Variants in HSD11B1 observed in about 807,000 individuals in gnomAD.
HSD11B1 encodes 11-beta-hydroxysteroid dehydrogenase 1.
In HSD11B1, 15 loss-of-function variants were observed where a neutral mutation model predicts 22.1. The ratio of observed to expected loss-of-function variants is 0.68; its 90% CI spans 0.45 to 1.04. The LOEUF (loss-of-function observed/expected upper bound fraction) is 1.04. HSD11B1 is among the 50% of genes least tolerant of loss of function. The pLI, the probability that HSD11B1 is intolerant of heterozygous loss-of-function variation, is 0.00. For missense variants in HSD11B1, 281 were observed against 357.6 expected (o/e 0.79, Z 1.73); for synonymous variants, 122 against 125.2 (o/e 0.97, Z 0.17).
At chr1:209,689,553 G>A (rs936522271) in intron 1 of HSD11B1, among the ~76,000 whole-genome samples, 4 of 152,190 alleles carry the variant, frequency 2.6e-5, no homozygotes, top group Admixed American at 2.0e-4. Context: ...TTTGAGTCGT[G>A]GGGGTGAATC....
intron 4 of HSD11B1, among the ~76,000 whole-genome samples, chr1:209,730,767 T>C (rs1391303838): frequency 6.6e-6 from 1 of 152,216 alleles, no homozygotes; most frequent in African/African-American, 2.4e-5. Context: ...TGGTTTGACA[T>C]ACAACATATT....
At chr1:209,691,479 T>A (rs1403061322) in intron 1 of HSD11B1, among the ~76,000 whole-genome samples, 1 of 152,172 alleles carries the variant, frequency 6.6e-6, no homozygotes, top group Non-Finnish European at 1.5e-5. Flanking sequence ...ACTAAAGTCT[T>A]CAGTAAAATG....
intron 4 of HSD11B1, among the ~76,000 whole-genome samples, chr1:209,708,953 C>T (rs999124600): frequency 2.0e-4 from 30 of 152,126 alleles, no homozygotes; most frequent in African/African-American, 6.0e-4. Flanking sequence ...GCTTTTTTGC[C>T]TTGAAACCTG....
chr1:209,720,956 T>TAATGTGGG (rs954770993), intron 4 of HSD11B1, among the ~76,000 whole-genome samples: 3 of 152,188 alleles, frequency 2.0e-5, no homozygotes, highest in African/African-American at 7.2e-5. Context: ...CCAAGTGGGC[T>TAATGTGGG]CTTAATCCAC....
At chr1:209,712,625 G>C (rs2076905065) in intron 4 of HSD11B1, among the ~76,000 whole-genome samples, 1 of 152,170 alleles carries the variant, frequency 6.6e-6, no homozygotes, top group Non-Finnish European at 1.5e-5. Flanking sequence ...AGAGATGACT[G>C]TACTCAGAGT....
At chr1:209,732,279 A>G (rs2077040324) in intron 4 of HSD11B1, among the ~76,000 whole-genome samples, 157 bp from the exon 5 acceptor site, 2 of 152,164 alleles carry the variant, frequency 1.3e-5, no homozygotes, top group African/African-American at 4.8e-5. Context: ...TAATGTTTTC[A>G]AAATTCAACA....
chr1:209,701,622 G>C (rs1011641630), upstream of HSD11B1, among the ~76,000 whole-genome samples: 4 of 152,172 alleles, frequency 2.6e-5, no homozygotes, highest in Admixed American at 2.0e-4. Flanking sequence ...TCTGAGGTTT[G>C]CCCAACAAGA....
chr1:209,729,434 A>G (rs2077022522), intron 4 of HSD11B1, among the ~76,000 whole-genome samples: 1 of 151,998 alleles, frequency 6.6e-6, no homozygotes, highest in Non-Finnish European at 1.5e-5. Flanking sequence ...GGTAGGCAGT[A>G]TAGGGCCAGT....
chr1:209,729,799 T>C (rs191144357), intron 4 of HSD11B1, among the ~76,000 whole-genome samples: 2 of 152,218 alleles, frequency 1.3e-5, no homozygotes, highest in Non-Finnish European at 2.9e-5. Context: ...GTAGGATTCA[T>C]CTTCAAGATG....
chr1:209,720,107 G>A (rs1383093930), intron 4 of HSD11B1, among the ~76,000 whole-genome samples: 1 of 152,006 alleles, frequency 6.6e-6, no homozygotes, highest in African/African-American at 2.4e-5. Context: ...TTTAAAAAAT[G>A]GTTAAGATAG....
chr1:209,722,149 A>C (rs1038922076), intron 4 of HSD11B1, among the ~76,000 whole-genome samples: 1 of 152,104 alleles, frequency 6.6e-6, no homozygotes, highest in Admixed American at 6.5e-5. Flanking sequence ...CTTGCCTTAG[A>C]AGATGTGCTG....
At position 209,734,601 on chromosome 1, in the gene HSD11B1, A is replaced by AT. The variant is rs954883928; in HGVS notation, c.*80_*81insT. 62 of 1,064,814 alleles carry AT rather than the reference A, an allele frequency of 5.8e-5. No homozygotes were observed. Among genetic ancestry groups the AT allele is most frequent in the Non-Finnish European group, 8.5e-5 (59 of 693,384 alleles). 66.0% of individuals were successfully genotyped at this position (1,064,814 alleles called of 1,614,324 possible). On this transcript the variant is annotated 3_prime_UTR_variant, in exon 6 of 6. Coordinates refer to ENST00000367027, the MANE Select transcript of HSD11B1 (RefSeq NM_005525.4). ...TTTATCTGAGCTCTTATCTATGAAG[A>AT]CATCTTCCCAGAGTGTCCCCAGAGA...
At chr1:209,719,717 C>A (rs1475118837) in intron 4 of HSD11B1, among the ~76,000 whole-genome samples, 1 of 152,172 alleles carries the variant, frequency 6.6e-6, no homozygotes, top group Non-Finnish European at 1.5e-5. Flanking sequence ...CAAGTCCCTG[C>A]AAAGGACATG....
At chr1:209,732,160 T>C (rs1334593981) in intron 4 of HSD11B1, among the ~76,000 whole-genome samples, 2 of 152,230 alleles carry the variant, frequency 1.3e-5, no homozygotes, top group African/African-American at 2.4e-5. Flanking sequence ...TGGAATTACA[T>C]GGCTCTTTTG....
At chr1:209,695,142 C>T (rs1351782873) in intron 1 of HSD11B1, among the ~76,000 whole-genome samples, 1 of 152,236 alleles carries the variant, frequency 6.6e-6, no homozygotes, top group Non-Finnish European at 1.5e-5. Flanking sequence ...GTAAGATGTG[C>T]CTTGCTTCCC....
intron 4 of HSD11B1, among the ~76,000 whole-genome samples, chr1:209,720,649 T>C (rs1318753107): frequency 3.3e-5 from 5 of 151,752 alleles, no homozygotes; most frequent in Non-Finnish European, 5.9e-5. Flanking sequence ...GACTGCAGAA[T>C]CATTGCAGAG....
chr1:209,704,981 G>A lies in HSD11B1; in HGVS notation c.39G>A (p.Gly13=), dbSNP rs777706596. 6.2e-7 allele frequency: 1 copy of A among 1,613,916 alleles called. No homozygotes were observed. The highest frequency in any genetic ancestry group is 1.7e-5 in the Admixed American group (1 of 60,008). The part of the protein sequence containing the change: ...FMKKYLLPIL[G]LFMAYYYYSA... ...AAAAATATCTCCTCCCCATTCTGGG[G>A]CTCTTCATGGCCTACTACTACTATT... Residue 13 remains glycine (G), a synonymous_variant, in exon 1 of 6, where the codon GGG becomes GGA. Transcript: ENST00000367027.
At chr1:209,733,014 G>T (rs2077045338) in intron 5 of HSD11B1, among the ~76,000 whole-genome samples, 1 of 152,132 alleles carries the variant, frequency 6.6e-6, no homozygotes, top group African/African-American at 2.4e-5. Flanking sequence ...ACTAGTGGAG[G>T]CTCTGGCTAC....
At chr1:209,693,939 T>C (rs1244403652) in intron 1 of HSD11B1, among the ~76,000 whole-genome samples, 1 of 152,148 alleles carries the variant, frequency 6.6e-6, no homozygotes, top group African/African-American at 2.4e-5. Context: ...TCTTGGCACT[T>C]CTCACCTTCC....
Sources: allele counts gnomAD v4.1 joint callset (sites outside exome capture counted in the v4.1 genomes callset), GRCh38; gene constraint gnomAD v4.1.1; transcripts MANE v1.5; gene names NCBI Gene and HGNC (gene_info 2026-07-23, HGNC 2026-07-21).